Variants in SCEL observed in about 807,000 individuals in gnomAD.
The protein encoded by SCEL is sciellin.
Under a neutral mutation model 117.6 loss-of-function variants are expected in SCEL, and 113 were observed. The ratio of observed to expected loss-of-function variants is 0.96; its 90% CI spans 0.83 to 1.12. The LOEUF (loss-of-function observed/expected upper bound fraction) is 1.12. Among genes scored for constraint, SCEL ranks in the 50% most tolerant of loss-of-function variants. The probability of loss-of-function intolerance (pLI) is 0.00; values close to 1 mark genes in which losing one functional copy is unlikely to be tolerated. For missense variants in SCEL, 785 were observed against 810.8 expected, an observed-to-expected ratio of 0.97 and a Z score of 0.39; for synonymous variants, 270 against 256.2, an observed-to-expected ratio of 1.05 and a Z score of -0.51.
Position 77,602,097 on chromosome 13 carries a change from A to T in SCEL, c.950A>T (p.Asn317Ile). 2 of 1,611,728 alleles carry T rather than the reference A, an allele frequency of 1.2e-6. No individual in the cohort carries two copies. Among genetic ancestry groups the T allele is most frequent in the Admixed American group, 1.7e-5 (1 of 59,630 alleles). Reference sequence around the variant, plus strand: ...AGCCTTGGAAGTCCGATTAAAGTTAATCAAAGGACTGACAAAAATGAGAAA... The same window carrying T: ...AGCCTTGGAAGTCCGATTAAAGTTATTCAAAGGACTGACAAAAATGAGAAA... ...IQSLGSPIKV[N>I]QRTDKNEKGR... Residue 317 changes from asparagine to isoleucine, a missense_variant, in exon 16 of 33, where the codon AAT becomes ATT. Physicochemically the swap from Asn to Ile is moderately radical, Grantham distance 149. Coordinates refer to ENST00000349847, the MANE Select transcript of SCEL (RefSeq NM_144777.3).
chr13:77,618,360 T>A (rs2089218636), intron 27 of SCEL, among the ~76,000 whole-genome samples: 1 of 152,056 alleles, frequency 6.6e-6, no homozygotes, highest in Non-Finnish European at 1.5e-5. Flanking sequence ...TTTTAAAATT[T>A]TTTTTAGAGA....
At chr13:77,606,587 CAAG>C (rs900724854) in intron 19 of SCEL, 1 of 152,148 alleles carries the variant, frequency 6.6e-6, no homozygotes, top group African/African-American at 2.4e-5. Context: ...CAGAAATCAA[CAAG>C]GAGTAATCTG....
chr13:77,584,426 TA>T (rs570452512), intron 9 of SCEL, among the ~76,000 whole-genome samples: 44 of 152,148 alleles, frequency 2.9e-4, no homozygotes, highest in Non-Finnish European at 5.9e-4. Context: ...CCCTTGGAAA[TA>T]AACATGCTTC....
intron 9 of SCEL, among the ~76,000 whole-genome samples, chr13:77,574,524 G>A (rs1408431241): frequency 6.6e-6 from 1 of 152,204 alleles, no homozygotes; most frequent in African/African-American, 2.4e-5. Context: ...TCAGGGGAAG[G>A]AGAGAATAAT....
chr13:77,555,249 C>G (rs2084586193), intron 1 of SCEL, among the ~76,000 whole-genome samples: 1 of 152,144 alleles, frequency 6.6e-6, no homozygotes, highest in African/African-American at 2.4e-5. Flanking sequence ...GTTACCTTAA[C>G]CCCTTAACAC....
chr13:77,630,072 T>TCCTTGGGGAAGGAAGGATTCTTG (rs1278664456), intron 28 of SCEL, among the ~76,000 whole-genome samples: 1 of 152,194 alleles, frequency 6.6e-6, no homozygotes, highest in Admixed American at 6.5e-5. Context: ...GGTTTTGGTT[T>TCCTTGGGGAAGGAAGGATTCTTG]CCTTGGGGAA....
intron 14 of SCEL, 59 bp from the exon 15 acceptor site, chr13:77,599,630 A>G: frequency 8.0e-7 from 1 of 1,248,750 alleles, no homozygotes; most frequent in South Asian, 1.2e-5. Flanking sequence ...ACCTTTCAAG[A>G]TACCACACAA....
intron 6 of SCEL, 21 bp downstream of exon 6, chr13:77,567,769 T>TG: frequency 6.9e-7 from 1 of 1,450,602 alleles, no homozygotes. Context: ...CTACTAACTA[T>TG]GGGAAAGGCT....
rs2087986670 is a variant in SCEL, at chr13:77,604,613, TTTG to T, written c.1157+201_1157+203del. Among the ~76,000 whole-genome samples the T allele has an allele frequency of 2.6e-5, 4 of 152,326 alleles. No homozygotes were observed. In the South Asian group the frequency reaches 8.3e-4, roughly 32 times the overall value. ...TCCTGCATTTTATTCTTGGGCAAAGTTTGTTATCAAATAATTTTGAGAAATTAA... is the reference window on the plus strand; with the variant it reads ...TCCTGCATTTTATTCTTGGGCAAAGTTTATCAAATAATTTTGAGAAATTAA... On this transcript the variant is annotated intron_variant, in intron 19 of 32. Transcript: ENST00000349847.
At chr13:77,608,555 C>A (rs1290930383) in intron 20 of SCEL, among the ~76,000 whole-genome samples, 1 of 152,116 alleles carries the variant, frequency 6.6e-6, no homozygotes, top group East Asian at 1.9e-4. Flanking sequence ...AGCCAAGATC[C>A]AGCCACTGCA....
chr13:77,641,289 C>CTA lies in SCEL; in HGVS notation c.1947+506_1947+507dup, dbSNP rs564498749. Among the ~76,000 whole-genome samples, 45 of 152,278 alleles carry CTA rather than the reference C, an allele frequency of 3.0e-4. 2 individuals carry two copies. The South Asian group carries it at 9.1e-3, about 31-fold the overall frequency. ...TACTAATAAAGCTTTTATTAGTAGA[C>CTA]TAAAGCTTCATAGTTTGTGCTTTCA... is the stretch of plus-strand genomic sequence containing the variant. On this transcript the variant is annotated intron_variant, in intron 31 of 32. Coordinates refer to ENST00000349847, the MANE Select transcript of SCEL (RefSeq NM_144777.3).
Position 77,604,346 on chromosome 13 carries a change from T to G in SCEL, c.1098-10T>G, listed in dbSNP as rs79098906. The G allele has an allele frequency of 1.2e-3, 1,863 of 1,524,666 alleles. 30 individuals carry two copies. In the African/African-American group the frequency reaches 0.023, roughly 19 times the overall value. The allele number at this position is 1,524,666 out of a possible 1,614,324, so 94.4% of individuals were successfully genotyped here. On this transcript the variant is annotated splice_polypyrimidine_tract_variant and intron_variant, in intron 18 of 32. Transcript: ENST00000349847. ...ACATCATTCATTAAAATTAATTTCC[T>G]TTTTCAAAGAAAAAAAGACCTTGAT...
chr13:77,593,295 T>TGCGCGCGC (rs1555510777), intron 11 of SCEL, among the ~76,000 whole-genome samples: 1,535 of 136,882 alleles, frequency 0.011, 74 homozygotes, highest in East Asian at 0.11. Flanking sequence ...TGTGTGTGTG[T>TGCGCGCGC]GTCTGTGTGT....
chr13:77,567,592 T>G, intron 5 of SCEL, 88 bp from the exon 6 acceptor site: 1 of 886,290 alleles, frequency 1.1e-6, no homozygotes, highest in Non-Finnish European at 1.8e-6. Flanking sequence ...AAGGCTATGT[T>G]GTTAAGCTAT....
chr13:77,542,519 C>G (rs369563864), intron 1 of SCEL, among the ~76,000 whole-genome samples: 33 of 152,318 alleles, frequency 2.2e-4, no homozygotes, highest in African/African-American at 7.7e-4. Context: ...TTTCCCAATG[C>G]TAAGCTTAGA....
intron 9 of SCEL, among the ~76,000 whole-genome samples, chr13:77,573,617 CT>C (rs1437011776): frequency 3.3e-5 from 5 of 152,054 alleles, no homozygotes; most frequent in Non-Finnish European, 7.4e-5. Flanking sequence ...GCTCAAGTTG[CT>C]TTTTTTATAT....
intron 1 of SCEL, among the ~76,000 whole-genome samples, chr13:77,548,049 C>T (rs1416662236): frequency 6.6e-6 from 1 of 152,234 alleles, no homozygotes; most frequent in Non-Finnish European, 1.5e-5. Context: ...TATCCCACCT[C>T]AGTCCTCCTC....
intron 29 of SCEL, 91 bp downstream of exon 29, chr13:77,634,541 C>A: frequency 2.3e-6 from 2 of 871,952 alleles, no homozygotes; most frequent in Non-Finnish European, 3.6e-6. Context: ...TTAGAGTGTG[C>A]TTCTTTCAAA....
intron 13 of SCEL, among the ~76,000 whole-genome samples, chr13:77,598,829 C>A (rs1156888912): frequency 6.6e-6 from 1 of 152,154 alleles, no homozygotes; most frequent in Admixed American, 6.6e-5. Flanking sequence ...ACTACAGGCA[C>A]CACCACCATG....
Sources: allele counts gnomAD v4.1 joint callset (sites outside exome capture counted in the v4.1 genomes callset), GRCh38; gene constraint gnomAD v4.1.1; transcripts MANE v1.5; gene names NCBI Gene and HGNC (gene_info 2026-07-23, HGNC 2026-07-21).